The following MYRFL variants were observed in gnomAD, a reference collection of about 807,000 sequenced individuals.
MYRFL encodes the protein myelin regulatory factor-like protein.
MYRFL carries 88 observed loss-of-function variants against 109.4 expected under a neutral mutation model. That is an observed-to-expected ratio of 0.80 (90% CI 0.68 to 0.96). The LOEUF is 0.96. MYRFL is among the 40% of genes least tolerant of loss of function. The pLI is 0.00. For synonymous variants in MYRFL, 324 were observed against 320.9 expected, an observed-to-expected ratio of 1.01 and a Z score of -0.10; for missense variants, 957 against 954.9, an observed-to-expected ratio of 1.00 and a Z score of -0.03.
At chr12:69,958,372 TA>T (rs778815371) in intron 24 of MYRFL, 49 bp downstream of exon 24, 75 of 1,483,644 alleles carry the variant, frequency 5.1e-5, no homozygotes, top group Admixed American at 1.1e-4. Flanking sequence ...AATTGAGCAA[TA>T]AAAAAAAATC....
intron 1 of MYRFL, among the ~76,000 whole-genome samples, chr12:69,838,218 G>A (rs1883057660): frequency 6.6e-6 from 1 of 152,074 alleles, no homozygotes; most frequent in Non-Finnish European, 1.5e-5. Flanking sequence ...GTCAGCCCAG[G>A]GGACATTGAT....
chr12:69,827,848 G>A (rs904522415), intron 1 of MYRFL, among the ~76,000 whole-genome samples: 11 of 151,904 alleles, frequency 7.2e-5, no homozygotes, highest in African/African-American at 1.7e-4. Context: ...TTAAAACTGG[G>A]TTGAAAACAG....
intron 16 of MYRFL, 22 bp from the exon 17 acceptor site, chr12:69,936,091 T>C: frequency 1.4e-6 from 2 of 1,390,222 alleles, no homozygotes. Context: ...TTTTTTTTTT[T>C]TTTTTTTTTT....
At chr12:69,837,940 G>C (rs552722411) in intron 1 of MYRFL, among the ~76,000 whole-genome samples, 26 of 152,182 alleles carry the variant, frequency 1.7e-4, no homozygotes, top group African/African-American at 6.3e-4. Context: ...CCTAGGGACT[G>C]GTACATAGCA....
rs1030222604 is a variant in MYRFL, at chr12:69,903,689, C to A, written c.1228C>A (p.Gln410Lys). ...TGAAAATGACAGTGATGCATTGTGG[C>A]AGCGAGGACAAGTTCCAGAATCTAT... is the stretch of plus-strand genomic sequence containing the variant. ...QFENDSDALW[Q>K]RGQVPESIVC... The change falls in exon 11 of 25, where the codon CAG becomes AAG. Residue 410 changes from glutamine (Q) to lysine (K), a missense_variant. Physicochemically the swap from Gln to Lys is moderately conservative, Grantham distance 53. Transcript: ENST00000552032. 6.5e-7 allele frequency: 1 copy of A among 1,535,866 alleles called. No individual in the cohort carries two copies. Among genetic ancestry groups the A allele is most frequent in the Non-Finnish European group, 8.7e-7 (1 of 1,146,716 alleles).
chr12:69,837,458 G>A (rs1256103375), intron 1 of MYRFL, among the ~76,000 whole-genome samples: 7 of 152,008 alleles, frequency 4.6e-5, no homozygotes, highest in Admixed American at 4.6e-4. Flanking sequence ...TCTGAGCCCT[G>A]TCTCCGGGGG....
chr12:69,918,526 A>C (rs1954817096), intron 13 of MYRFL, among the ~76,000 whole-genome samples: 1 of 152,164 alleles, frequency 6.6e-6, no homozygotes, highest in South Asian at 2.1e-4. Context: ...CAGGATACAC[A>C]CAGACTTAAT....
rs112400866 is a variant in MYRFL, at chr12:69,908,324, C to T, written c.1384-1645C>T. 2.7e-3 allele frequency among the ~76,000 whole-genome samples: 418 copies of T among 152,270 alleles called. 2 individuals are homozygous for T. The highest frequency in any genetic ancestry group is 9.5e-3 in the African/African-American group (396 of 41,538). ...ACAATTAGTTGTCTTGTAATTGTGA[C>T]TCATGCTATGAAGGAGAACTGGTGC... On this transcript the variant is annotated intron_variant, in intron 11 of 24. Coordinates refer to ENST00000552032, the MANE Select transcript of MYRFL (RefSeq NM_182530.3).
At chr12:69,880,878 G>T (rs1371178715) in intron 5 of MYRFL, among the ~76,000 whole-genome samples, 2 of 149,628 alleles carry the variant, frequency 1.3e-5, no homozygotes, top group Admixed American at 1.3e-4. Context: ...GTTCCCAGTG[G>T]ATGTTTGAAA....
chr12:69,830,470 T>C (rs1240250), intron 1 of MYRFL, among the ~76,000 whole-genome samples: 112,425 of 149,608 alleles, frequency 0.75, 43,563 homozygotes, highest in Non-Finnish European at 0.86. Context: ...TTTATATAGA[T>C]ATATAGAGAT....
intron 2 of MYRFL, among the ~76,000 whole-genome samples, chr12:69,860,143 C>T (rs1270572216): frequency 6.6e-6 from 1 of 152,032 alleles, no homozygotes; most frequent in Non-Finnish European, 1.5e-5. Context: ...TGTTGTTCCC[C>T]CTTGTGTTCA....
At chr12:69,863,732 A>G (rs746842816) in intron 2 of MYRFL, among the ~76,000 whole-genome samples, 4 of 152,084 alleles carry the variant, frequency 2.6e-5, no homozygotes, top group Non-Finnish European at 5.9e-5. Context: ...AGCATTTCCC[A>G]TTTTTGTTGG....
At chr12:69,847,209 A>C (rs532073558) in intron 1 of MYRFL, among the ~76,000 whole-genome samples, 2 of 152,226 alleles carry the variant, frequency 1.3e-5, no homozygotes, top group South Asian at 4.1e-4. Flanking sequence ...TCACATTTCA[A>C]GGCCCTTTTG....
chr12:69,878,454 G>C (rs1472461668), intron 2 of MYRFL, among the ~76,000 whole-genome samples: 1 of 151,670 alleles, frequency 6.6e-6, no homozygotes, highest in African/African-American at 2.4e-5. Context: ...ATTTTTTTCT[G>C]GTATAGGAGT....
At chr12:69,826,267 T>C (rs959152230) in intron 1 of MYRFL, among the ~76,000 whole-genome samples, 4 of 152,056 alleles carry the variant, frequency 2.6e-5, no homozygotes, top group African/African-American at 9.7e-5. Flanking sequence ...CCAAGAGAAT[T>C]ATCACATTAT....
chr12:69,891,593 CTT>C (rs1319231507), intron 7 of MYRFL, among the ~76,000 whole-genome samples: 9 of 138,532 alleles, frequency 6.5e-5, no homozygotes, highest in African/African-American at 2.7e-4. Flanking sequence ...TTCTTTCTTT[CTT>C]TCTTTCTTTC....
intron 2 of MYRFL, among the ~76,000 whole-genome samples, chr12:69,856,629 T>C (rs1036237789): frequency 4.6e-5 from 7 of 152,084 alleles, no homozygotes; most frequent in Admixed American, 4.6e-4. Context: ...CATGTATTAA[T>C]GTGCATTTTT....
At chr12:69,933,655 C>T (rs369544949) in intron 16 of MYRFL, among the ~76,000 whole-genome samples, 121 of 152,230 alleles carry the variant, frequency 7.9e-4, no homozygotes, top group African/African-American at 2.4e-3. Context: ...TAATTTGACA[C>T]GACTACCTAG....
chr12:69,924,671 T>G (rs1955016902), intron 13 of MYRFL, among the ~76,000 whole-genome samples: 1 of 152,244 alleles, frequency 6.6e-6, no homozygotes, highest in Non-Finnish European at 1.5e-5. Context: ...GTTTTATCAA[T>G]TTGTTATTTG....
Sources: gnomAD v4.1 joint callset for allele counts (sites outside exome capture counted in the v4.1 genomes callset) on GRCh38, gnomAD v4.1.1 for gene constraint, MANE v1.5 for transcripts, NCBI Gene and HGNC (gene_info 2026-07-23, HGNC 2026-07-21) for gene names.